The following NEBL variants were observed in gnomAD, a reference collection of about 807,000 sequenced individuals.
NEBL encodes LIM and SH3 protein 2.
NEBL carries 122 observed loss-of-function variants against 140.2 expected under a neutral mutation model. That is an observed-to-expected ratio of 0.87 (90% CI 0.75 to 1.01). The LOEUF is 1.01. Among genes scored for constraint, NEBL ranks in the 50% least tolerant of loss-of-function variants. The pLI, the probability that NEBL is intolerant of heterozygous loss-of-function variation, is 0.00. For missense variants in NEBL, 1,365 were observed against 1,231.3 expected (o/e 1.11, Z -1.62); for synonymous variants, 436 against 398.9 (o/e 1.09, Z -1.11).
chr10:21,177,354 C>T (rs1396976956), upstream of NEBL, among the ~76,000 whole-genome samples: 4 of 152,160 alleles, frequency 2.6e-5, no homozygotes, highest in South Asian at 2.1e-4. Context: ...ACAGCCTTCA[C>T]ATGACGGGAG....
chr10:21,224,559 G>A (rs758889762), intron 3 of NEBL, among the ~76,000 whole-genome samples: 3 of 152,070 alleles, frequency 2.0e-5, no homozygotes, highest in African/African-American at 4.8e-5. Flanking sequence ...AATGTCAATG[G>A]TATTTTGATA....
At chr10:20,793,323 C>T (rs1836180616) in intron 26 of NEBL, 16 of 957,472 alleles carry the variant, frequency 1.7e-5, no homozygotes, top group African/African-American at 7.1e-5. Context: ...AAAATAAAAG[C>T]AGTCATTACT....
At chr10:20,855,246 T>G (rs1004615509) in intron 9 of NEBL, among the ~76,000 whole-genome samples, 15 of 146,832 alleles carry the variant, frequency 1.0e-4, no homozygotes, top group African/African-American at 3.3e-4. Context: ...AAAAAAAGTG[T>G]TTTTTTTTTA....
At chr10:20,855,871 AT>A (rs1268160147) in intron 9 of NEBL, among the ~76,000 whole-genome samples, 2 of 152,206 alleles carry the variant, frequency 1.3e-5, no homozygotes, top group African/African-American at 4.8e-5. Flanking sequence ...CAAATGGATA[AT>A]TTTGGCAGAA....
chr10:21,106,774 G>A (rs1837737574), intron 2 of NEBL, among the ~76,000 whole-genome samples: 1 of 152,092 alleles, frequency 6.6e-6, no homozygotes, highest in South Asian at 2.1e-4. Flanking sequence ...AATTACCTTG[G>A]GCAGTATGGC....
At position 21,173,624 on chromosome 10, in the gene NEBL, C is replaced by T; in HGVS notation, c.69+141G>A. 1 of 1,398,562 alleles carries T rather than the reference C, an allele frequency of 7.2e-7. No individual in the cohort carries two copies. Among genetic ancestry groups the T allele is most frequent in the Non-Finnish European group, 9.9e-7 (1 of 1,012,266 alleles). 86.6% of individuals were successfully genotyped at this position (1,398,562 alleles called of 1,614,324 possible). A position where few individuals can be genotyped will look rare whatever the true frequency, so the allele number is the denominator to read the frequency against. ...TGACACTCCCGCTGGCGTCTTCGTTCGCGCGCCCTCCCCCCGTGCCAAGGC... is the reference window on the plus strand; with the variant it reads ...TGACACTCCCGCTGGCGTCTTCGTTTGCGCGCCCTCCCCCCGTGCCAAGGC... On this transcript the variant is annotated intron_variant, in intron 1 of 6. Coordinates refer to the NEBL transcript ENST00000417816. This position sits in a 1 kb window ranked among gnomAD's most constrained non-coding sequence, Gnocchi z 5.7.
chr10:20,890,611 C>T (rs888020857), intron 2 of NEBL, among the ~76,000 whole-genome samples: 5 of 152,186 alleles, frequency 3.3e-5, no homozygotes, highest in Admixed American at 1.3e-4. Context: ...TTCCAGAAGG[C>T]CTTCTTGCTG....
At chr10:20,785,957 C>T (rs2131614221) in intron 27 of NEBL, 34 bp from the exon 28 acceptor site, 1 of 1,595,854 alleles carries the variant, frequency 6.3e-7, no homozygotes, top group Non-Finnish European at 8.6e-7. Flanking sequence ...ACGATGAATG[C>T]CGAAATAGCT....
chr10:21,060,135 T>G (rs1002490709), intron 2 of NEBL, among the ~76,000 whole-genome samples: 2 of 152,198 alleles, frequency 1.3e-5, no homozygotes, highest in African/African-American at 4.8e-5. Context: ...CAGGCAATGA[T>G]GAAGAGGTGC....
intron 2 of NEBL, among the ~76,000 whole-genome samples, chr10:21,123,343 A>C (rs1460084342): frequency 6.6e-6 from 1 of 152,258 alleles, no homozygotes; most frequent in African/African-American, 2.4e-5. Context: ...TTTGGCAAAT[A>C]GACTAAACTA....
At chr10:20,870,325 CAA>C (rs35138107) in intron 5 of NEBL, among the ~76,000 whole-genome samples, 10 of 107,880 alleles carry the variant, frequency 9.3e-5, no homozygotes, top group Admixed American at 4.2e-4. Flanking sequence ...GACTTTATCT[CAA>C]AAAAAAAAAA....
intron 14 of NEBL, among the ~76,000 whole-genome samples, chr10:20,835,074 A>T (rs866857361): frequency 2.0e-5 from 3 of 152,218 alleles, no homozygotes; most frequent in Admixed American, 1.3e-4. Context: ...CTATTTTAAG[A>T]ACATGCAATC....
At chr10:20,794,392 T>C (rs1836301758) in intron 26 of NEBL, among the ~76,000 whole-genome samples, 1 of 152,234 alleles carries the variant, frequency 6.6e-6, no homozygotes, top group African/African-American at 2.4e-5. Flanking sequence ...TGTATCCTGT[T>C]TATAGTATAT....
intron 2 of NEBL, among the ~76,000 whole-genome samples, chr10:21,163,680 C>T (rs1484336840): frequency 6.6e-6 from 1 of 152,158 alleles, no homozygotes; most frequent in African/African-American, 2.4e-5. Flanking sequence ...GAGTGCTAAT[C>T]AAAGATTTTT....
intron 3 of NEBL, among the ~76,000 whole-genome samples, chr10:21,185,348 C>A (rs1841447777): frequency 6.6e-6 from 1 of 152,118 alleles, no homozygotes; most frequent in African/African-American, 2.4e-5. Context: ...TAATCCAGGT[C>A]TTTTCCATTT....
chr10:21,222,141 C>G (rs937476356), intron 3 of NEBL, among the ~76,000 whole-genome samples: 1 of 151,984 alleles, frequency 6.6e-6, no homozygotes, highest in Admixed American at 6.6e-5. Context: ...TGAAGAGGTG[C>G]TTTCAAAAAG....
At chr10:21,005,710 G>A (rs11012478) in intron 3 of NEBL, among the ~76,000 whole-genome samples, 4,137 of 151,938 alleles carry the variant, frequency 0.027, 187 homozygotes, top group African/African-American at 0.095. Context: ...CTTCAGCCTG[G>A]GTGACAGAGC....
intron 2 of NEBL, chr10:21,248,228 G>A (rs566858981): frequency 6.5e-6 from 1 of 153,904 alleles, no homozygotes; most frequent in African/African-American, 2.4e-5. Context: ...ATGCCACCAT[G>A]CCCTGCTAAT....
At chr10:20,841,564 A>G (rs1335269765) in intron 12 of NEBL, 1 of 152,296 alleles carries the variant, frequency 6.6e-6, no homozygotes, top group Non-Finnish European at 1.5e-5. Context: ...GAATGGAATC[A>G]TCCATAGATA....
Sources: gnomAD v4.1 joint callset for allele counts (sites outside exome capture counted in the v4.1 genomes callset) on GRCh38, gnomAD v4.1.1 for gene constraint, Gnocchi (gnomAD v3.1) non-coding constraint, MANE v1.5 for transcripts, NCBI Gene and HGNC (gene_info 2026-07-23, HGNC 2026-07-21) for gene names.